MUC5AC: variants seen among roughly 807,000 people sequenced by gnomAD.
MUC5AC encodes the protein mucin-5AC.
In MUC5AC, 158 loss-of-function variants were observed where a neutral mutation model predicts 169.7. The observed-to-expected ratio is 0.93, with a 90% CI of 0.82 to 1.06. The LOEUF is 1.06. Ranked by LOEUF, MUC5AC falls within the 50% of genes least tolerant of loss-of-function variation. The pLI is 0.00. For missense variants in MUC5AC, 4,359 were observed against 3,089.9 expected, an observed-to-expected ratio of 1.41 and a Z score of -9.74; for synonymous variants, 1,975 against 1,237.0, an observed-to-expected ratio of 1.60 and a Z score of -12.52.
Position 1,162,184 on chromosome 11 carries a change from G to A in MUC5AC, c.473+16G>A. ...ACGGCCACCCGTGAGTCTGGGTTCTGGGATGGTGGGGGCCACGCGGCGTGT... is the reference window on the plus strand; with the variant it reads ...ACGGCCACCCGTGAGTCTGGGTTCTAGGATGGTGGGGGCCACGCGGCGTGT... On this transcript the variant is annotated intron_variant, in intron 4 of 48. Transcript: ENST00000621226. 1 of 1,604,338 alleles carries A rather than the reference G, an allele frequency of 6.2e-7. No homozygotes were observed. The highest frequency in any genetic ancestry group is 8.5e-7 in the Non-Finnish European group (1 of 1,173,990).
chr11:1,169,744 C>T (rs1860442592), intron 15 of MUC5AC, among the ~76,000 whole-genome samples: 1 of 145,930 alleles, frequency 6.9e-6, no homozygotes, highest in Non-Finnish European at 1.5e-5. Flanking sequence ...CACCCATTCG[C>T]TCACTCACTC....
rs1162650393 is a variant in MUC5AC, at chr11:1,177,613, A to G, written c.3067A>G (p.Asn1023Asp). The G allele has an allele frequency of 2.5e-6, 1 of 398,632 alleles. No homozygotes were observed. The highest frequency in any genetic ancestry group is 4.4e-6 in the Non-Finnish European group (1 of 226,178). The allele number at this position is 398,632 out of a possible 1,614,324, so 24.7% of individuals were successfully genotyped here. The change falls in exon 24 of 49, where the codon AAC becomes GAC. Residue 1023 changes from asparagine to aspartate, a missense_variant. Physicochemically the swap from Asn to Asp is conservative, Grantham distance 23. Transcript: ENST00000621226. Reference sequence around the variant, plus strand: ...GGACAAGAAGACCAGCATCTTCATCAACCTCAGCCCCGAGTTCAAGGTGAG... The same window carrying G: ...GGACAAGAAGACCAGCATCTTCATCGACCTCAGCCCCGAGTTCAAGGTGAG... ...LWDKKTSIFINLSPEFKGRVC... is the reference protein window; with the variant it reads ...LWDKKTSIFIDLSPEFKGRVC...
Position 1,195,249 on chromosome 11 carries a change from C to T in MUC5AC, c.15428C>T (p.Pro5143Leu). 1.3e-6 allele frequency: 1 copy of T among 762,328 alleles called. No individual in the cohort carries two copies. The highest frequency in any genetic ancestry group is 1.3e-5 in the South Asian group (1 of 74,568). The allele number at this position is 762,328 out of a possible 1,614,324, so 47.2% of individuals were successfully genotyped here. Residue 5143 changes from proline (P) to leucine (L), a missense_variant, in exon 36 of 49, where the codon CCA (proline) becomes CTA (leucine). By Grantham distance (98) the Pro-to-Leu change is moderately conservative. Transcript: ENST00000621226. ...GPTTPPAPCL[P>L]SPICQLILSK... ...ACCACACCGCCTGCTCCGTGCCTGC[C>T]ATCACCCATCTGCCAGCTGATTCTG...
chr11:1,158,346 C>T (rs917753921), intron 1 of MUC5AC, among the ~76,000 whole-genome samples: 2 of 152,202 alleles, frequency 1.3e-5, no homozygotes, highest in Admixed American at 6.5e-5. Flanking sequence ...CCTCCCGGCC[C>T]GGATCCCTGC....
chr11:1,194,086 A>G (rs1295270162), intron 33 of MUC5AC, 24 bp from the exon 34 acceptor site: 1 of 762,134 alleles, frequency 1.3e-6, no homozygotes, highest in Non-Finnish European at 2.4e-6. Flanking sequence ...AGCCACCCGT[A>G]AGGCTGCCCC....
Position 1,191,530 on chromosome 11 carries a change from C to T in MUC5AC, c.13385C>T (p.Thr4462Ile), listed in dbSNP as rs1429996463. 10 of 644,574 alleles carry T rather than the reference C, an allele frequency of 1.6e-5. No individual in the cohort carries two copies. Among genetic ancestry groups the T allele is most frequent in the African/African-American group, 9.2e-5 (5 of 54,556 alleles). 39.9% of individuals were successfully genotyped at this position (644,574 alleles called of 1,614,324 possible). ...ASTTSTISLP[T>I]TSTTSAPITS... is the part of the protein sequence containing the mutation. ...ACAACCAGCACAATCTCTCTCCCTA[C>T]AACCAGCACAACCTCTGCTCCTATA... Residue 4462 changes from threonine (T) to isoleucine (I), a missense_variant, in exon 31 of 49, where the codon ACA becomes ATA. Thr to Ile is a moderately conservative substitution (Grantham distance 89). Coordinates refer to ENST00000621226, the MANE Select transcript of MUC5AC (RefSeq NM_001304359.2).
rs1860926013 is a variant in MUC5AC at position 1,185,740 on chromosome 11, C to G, written c.7595C>G (p.Pro2532Arg). Residue 2532 changes from proline to arginine, a missense_variant, in exon 31 of 49, where the codon CCC becomes CGC. Coordinates refer to ENST00000621226, the MANE Select transcript of MUC5AC (RefSeq NM_001304359.2). ...ACAACCTCTGGTGCTGGAACTACTCCCAGCCCTGTTCCCACCACCAGCACA... is the reference window on the plus strand; with the variant it reads ...ACAACCTCTGGTGCTGGAACTACTCGCAGCCCTGTTCCCACCACCAGCACA... Reference protein sequence around the residue: ...TSTTSGAGTTPSPVPTTSTTS... With the variant: ...TSTTSGAGTTRSPVPTTSTTS... The G allele has an allele frequency of 8.1e-6, 6 of 739,596 alleles. No homozygotes were observed. Among genetic ancestry groups the G allele is most frequent in the Non-Finnish European group, 1.5e-5 (6 of 402,426 alleles). The allele number at this position is 739,596 out of a possible 1,614,324, so 45.8% of individuals were successfully genotyped here. A position where few individuals can be genotyped will look rare whatever the true frequency, so the allele number is the denominator to read the frequency against.
chr11:1,175,596 C>T (rs1372897899), intron 19 of MUC5AC, among the ~76,000 whole-genome samples: 24,774 of 135,026 alleles, frequency 0.18, 2,367 homozygotes, highest in Non-Finnish European at 0.21. Flanking sequence ...CTCATGCACA[C>T]GCATTCACAC....
chr11:1,171,318 T>C (rs1353956006), intron 15 of MUC5AC, among the ~76,000 whole-genome samples: 1 of 67,204 alleles, frequency 1.5e-5, no homozygotes, highest in African/African-American at 6.8e-5. Flanking sequence ...ACTCACTCAG[T>C]CACCTCACTC....
chr11:1,184,569 A>T lies in MUC5AC; in HGVS notation c.6424A>T (p.Thr2142Ser), dbSNP rs1860885673. Residue 2142 changes from threonine (T) to serine (S), a missense_variant, in exon 31 of 49, where the codon ACC becomes TCC. Transcript: ENST00000621226. Reference sequence around the variant, plus strand: ...CGGACCCCATGGTGGAGACAAGGAAACCTACAACAACATCATCAGGAGTGG... The same window carrying T: ...CGGACCCCATGGTGGAGACAAGGAATCCTACAACAACATCATCAGGAGTGG... ...SPGPHGGDKE[T>S]YNNIIRSGEK... The T allele has an allele frequency of 1.6e-6, 1 of 632,258 alleles. No individual in the cohort carries two copies. The highest frequency in any genetic ancestry group is 2.6e-5 in the Admixed American group (1 of 38,994). 39.2% of individuals were successfully genotyped at this position (632,258 alleles called of 1,614,324 possible). A position where few individuals can be genotyped will look rare whatever the true frequency, so the allele number is the denominator to read the frequency against.
chr11:1,181,020 T>C, intron 28 of MUC5AC, 119 bp from the exon 29 acceptor site: 1 of 397,184 alleles, frequency 2.5e-6, no homozygotes. Flanking sequence ...GCAATGCAGT[T>C]CCCAGGGAAC....
Position 1,168,969 on chromosome 11 carries a change from G to C in MUC5AC, c.1813G>C (p.Ala605Pro), listed in dbSNP as rs776722197. Residue 605 changes from alanine (A) to proline (P), a missense_variant, in exon 15 of 49, where the codon GCC becomes CCC. Ala to Pro is a conservative substitution (Grantham distance 27, BLOSUM62 -1). Transcript: ENST00000621226. ...CTTCAACACCTTCAAGACCCAGGCC[G>C]CCTGCCCCAACATCAGGAACAGCTT... ...AFFNTFKTQA[A>P]CPNIRNSFED... The C allele has an allele frequency of 1.2e-6, 2 of 1,610,714 alleles. No homozygotes were observed. Among genetic ancestry groups the C allele is most frequent in the Admixed American group, 3.3e-5 (2 of 59,746 alleles).
Position 1,187,458 on chromosome 11 carries a change from A to G in MUC5AC, c.9313A>G (p.Thr3105Ala), listed in dbSNP as rs1860981153. The change falls in exon 31 of 49, where the codon ACA becomes GCA. Residue 3105 changes from threonine (T) to alanine (A), a missense_variant. By Grantham distance (58) the Thr-to-Ala change is moderately conservative (BLOSUM62 0). Transcript: ENST00000621226. The part of the protein sequence containing the change: ...APTTSTTSAP[T>A]TSTTSASTAS... ...AACAACCAGCACAACGTCTGCTCCTACAACCAGCACAACCTCTGCCTCTAC... is the reference window on the plus strand; with the variant it reads ...AACAACCAGCACAACGTCTGCTCCTGCAACCAGCACAACCTCTGCCTCTAC... The G allele has an allele frequency of 1.4e-6, 1 of 730,674 alleles. No homozygotes were observed. Among genetic ancestry groups the G allele is most frequent in the Non-Finnish European group, 2.5e-6 (1 of 400,736 alleles). 45.3% of individuals were successfully genotyped at this position (730,674 alleles called of 1,614,324 possible).
chr11:1,161,494 G>T (rs760668044), intron 2 of MUC5AC, 33 bp from the exon 3 acceptor site: 8 of 1,548,052 alleles, frequency 5.2e-6, no homozygotes, highest in Non-Finnish European at 5.2e-6. Flanking sequence ...ACGTGGGGCC[G>T]TGCGTGAATC....
intron 32 of MUC5AC, 94 bp downstream of exon 32, chr11:1,193,076 G>C: frequency 1.6e-6 from 1 of 606,512 alleles, no homozygotes; most frequent in East Asian, 2.8e-5. Context: ...AAAGTCTTGA[G>C]AAGGTCACTG....
intron 35 of MUC5AC, 26 bp downstream of exon 35, chr11:1,194,696 C>T (rs546863790): frequency 1.4e-5 from 10 of 727,944 alleles, no homozygotes; most frequent in East Asian, 9.8e-5. Context: ...TCCCGGGCAT[C>T]GTCTGGCATT....
intron 1 of MUC5AC, among the ~76,000 whole-genome samples, chr11:1,160,336 G>A (rs1207056962): frequency 6.6e-6 from 1 of 152,068 alleles, no homozygotes; most frequent in African/African-American, 2.4e-5. Flanking sequence ...TGAATAGATA[G>A]GGATGCCAGA....
At position 1,183,408 on chromosome 11, in the gene MUC5AC, G is replaced by A. The variant is rs1466752455; in HGVS notation, c.5263G>A (p.Val1755Met). The A allele has an allele frequency of 1.4e-5, 9 of 643,878 alleles. No individual in the cohort carries two copies. Among genetic ancestry groups the A allele is most frequent in the East Asian group, 1.1e-4 (4 of 37,418 alleles). 39.9% of individuals were successfully genotyped at this position (643,878 alleles called of 1,614,324 possible). ...GTGCACCTGGACAAAGTGGTTCGAC[G>A]TGGACTTCCCGTCCCCCGGACCCCA... Reference protein sequence around the residue: ...PRCTWTKWFDVDFPSPGPHGG... With the variant: ...PRCTWTKWFDMDFPSPGPHGG... The change falls in exon 31 of 49, where the codon GTG (valine) becomes ATG (methionine). Residue 1755 changes from valine to methionine, a missense_variant. Val to Met is a conservative substitution (Grantham distance 21). Transcript: ENST00000621226.
intron 12 of MUC5AC, 43 bp downstream of exon 12, chr11:1,168,030 G>C (rs937257949): frequency 1.3e-6 from 2 of 1,494,830 alleles, no homozygotes; most frequent in African/African-American, 2.8e-5. Context: ...AGAGGGAAGG[G>C]GCCTGTCTCT....
Sources: gnomAD v4.1 joint callset for allele counts (sites outside exome capture counted in the v4.1 genomes callset) on GRCh38, gnomAD v4.1.1 for gene constraint, MANE v1.5 for transcripts, NCBI Gene and HGNC (gene_info 2026-07-23, HGNC 2026-07-21) for gene names.